Variants in DSCAM observed in about 807,000 individuals in gnomAD.
DSCAM encodes the protein DS cell adhesion molecule.
A neutral mutation model predicts 217.7 loss-of-function variants in DSCAM; 47 were observed. The ratio of observed to expected loss-of-function variants is 0.22; its 90% confidence interval spans 0.17 to 0.28. The LOEUF (loss-of-function observed/expected upper bound fraction) is 0.28. DSCAM is among the 10% of genes least tolerant of loss of function. The pLI is 1.00. For synonymous variants in DSCAM, 1,056 were observed against 1,015.3 expected, an observed-to-expected ratio of 1.04 and a Z score of -0.76; for missense variants, 2,080 against 2,618.3, an observed-to-expected ratio of 0.79 and a Z score of 4.49.
intron 26 of DSCAM, among the ~76,000 whole-genome samples, chr21:40,075,810 G>A (rs576950998): frequency 6.6e-6 from 1 of 152,148 alleles, no homozygotes; most frequent in Admixed American, 6.5e-5. Flanking sequence ...GTTTCTAAAG[G>A]AGCCTACTTT....
chr21:40,780,447 A>ATATATATATATATC (rs1308722522), intron 1 of DSCAM, among the ~76,000 whole-genome samples: 8 of 141,504 alleles, frequency 5.7e-5, no homozygotes, highest in East Asian at 4.3e-4. Flanking sequence ...ATATATATAT[A>ATATATATATATATC]TCTCCTGTTA....
At position 40,352,695 on chromosome 21, in the gene DSCAM, G is replaced by A. The variant is rs1294243442; in HGVS notation, c.934+770C>T. Among the ~76,000 whole-genome samples, 3 of 152,114 alleles carry A rather than the reference G, an allele frequency of 2.0e-5. No individual in the cohort carries two copies. In the East Asian group the frequency reaches 5.8e-4, roughly 29 times the overall value. ...TTTTCAAAAAAGGAGCATTATATTGGCAACTAAGACCTCCTCTCTGACCAA... is the reference window on the plus strand; with the variant it reads ...TTTTCAAAAAAGGAGCATTATATTGACAACTAAGACCTCCTCTCTGACCAA... On this transcript the variant is annotated intron_variant, in intron 5 of 32. Coordinates refer to ENST00000400454, the MANE Select transcript of DSCAM (RefSeq NM_001389.5).
chr21:40,734,730 C>T (rs1240169525), intron 1 of DSCAM, among the ~76,000 whole-genome samples: 1 of 152,198 alleles, frequency 6.6e-6, no homozygotes. Flanking sequence ...ACTTGATTTC[C>T]ACACCCTTCT....
At chr21:40,088,030 A>G (rs2089554667) in intron 21 of DSCAM, among the ~76,000 whole-genome samples, 1 of 152,234 alleles carries the variant, frequency 6.6e-6, no homozygotes, top group Non-Finnish European at 1.5e-5. Context: ...TGACAGGGAC[A>G]CCACACACAA....
At chr21:40,390,935 C>A (rs908431889) in intron 3 of DSCAM, among the ~76,000 whole-genome samples, 3 of 152,182 alleles carry the variant, frequency 2.0e-5, no homozygotes, top group African/African-American at 7.2e-5. Context: ...CATCTCAAAG[C>A]AGCTCATTCC....
intron 3 of DSCAM, among the ~76,000 whole-genome samples, chr21:40,486,247 G>A (rs2076027297): frequency 6.6e-6 from 1 of 152,156 alleles, no homozygotes; most frequent in African/African-American, 2.4e-5. Context: ...ACCCGGCATG[G>A]TTTATCCTGG....
In DSCAM at chr21:40,078,616, G is replaced by A. The variant is rs532823834; in HGVS notation, c.4711+71C>T. 66 of 1,551,576 alleles carry A rather than the reference G, an allele frequency of 4.3e-5. 1 individual carries two copies. The African/African-American group carries it at 7.6e-4, about 18-fold the overall frequency. ...ACTATGGCAAAGATGATGTTCGATG[G>A]GAAAGGGGCAGGGCCCACGTGCACA... is the stretch of plus-strand genomic sequence containing the variant. On this transcript the variant is annotated intron_variant, in intron 26 of 32. Coordinates refer to ENST00000400454, the MANE Select transcript of DSCAM (RefSeq NM_001389.5).
chr21:40,644,490 G>A (rs985271576), intron 3 of DSCAM, among the ~76,000 whole-genome samples: 4 of 152,152 alleles, frequency 2.6e-5, no homozygotes, highest in African/African-American at 9.7e-5. Flanking sequence ...CTCCTGTGAT[G>A]GCAAAACAGT....
In DSCAM at chr21:40,085,382, G is replaced by A. The variant is rs2089518378; in HGVS notation, c.4132+220C>T. Among the ~76,000 whole-genome samples, 3 of 152,230 alleles carry A rather than the reference G, an allele frequency of 2.0e-5. No homozygotes were observed. The South Asian group carries it at 6.2e-4, about 32-fold the overall frequency. ...GACTAGGCTTTCTGTATGCAAAGAT[G>A]TTTTGTATCTCAGTATTTCTGAGGT... On this transcript the variant is annotated intron_variant, in intron 23 of 32. Coordinates refer to ENST00000400454, the MANE Select transcript of DSCAM (RefSeq NM_001389.5).
At chr21:40,582,677 G>C (rs1237791072) in intron 3 of DSCAM, among the ~76,000 whole-genome samples, 1 of 152,078 alleles carries the variant, frequency 6.6e-6, no homozygotes, top group Admixed American at 6.5e-5. Context: ...ATAAAGATAA[G>C]ACCTGGAGAA....
chr21:40,073,477 G>A (rs1399444421), intron 27 of DSCAM, among the ~76,000 whole-genome samples: 2 of 152,186 alleles, frequency 1.3e-5, no homozygotes, highest in African/African-American at 4.8e-5. Flanking sequence ...GTGAACAAGG[G>A]TTATGAAAAC....
intron 5 of DSCAM, 118 bp from the exon 6 acceptor site, chr21:40,348,063 C>T: frequency 2.0e-6 from 2 of 992,324 alleles, no homozygotes; most frequent in South Asian, 1.7e-5. Context: ...CCACACAGTT[C>T]CCATCAGCCA....
At chr21:40,775,860 G>A (rs987890543) in intron 1 of DSCAM, among the ~76,000 whole-genome samples, 5 of 152,162 alleles carry the variant, frequency 3.3e-5, no homozygotes, top group Non-Finnish European at 5.9e-5. Flanking sequence ...TTGCAAATGC[G>A]GTGGCGAACC....
rs1370832396 is a variant in DSCAM, at chr21:40,846,850, G to GCT, written c.-191_-190dup. ...GGCCGGGCTCCGGAGCGAGGGCTGC[G>GCT]CTCGCCGCGCGCTGCGCTCCTGCAC... On this transcript the variant is annotated 5_prime_UTR_variant, in exon 1 of 33. Coordinates refer to ENST00000400454, the MANE Select transcript of DSCAM (RefSeq NM_001389.5). 7 of 150,574 alleles carry GCT rather than the reference G, an allele frequency of 4.6e-5. No homozygotes were observed. In the Admixed American group the frequency reaches 4.7e-4, roughly 10 times the overall value. 9.3% of individuals were successfully genotyped at this position (150,574 alleles called of 1,614,324 possible). A position where few individuals can be genotyped will look rare whatever the true frequency, so the allele number is the denominator to read the frequency against.
At chr21:40,529,127 A>G (rs2076423654) in intron 3 of DSCAM, among the ~76,000 whole-genome samples, 1 of 151,816 alleles carries the variant, frequency 6.6e-6, no homozygotes, top group East Asian at 1.9e-4. Context: ...GATGGTCTCG[A>G]TCTCCTGACC....
At position 40,059,983 on chromosome 21, in the gene DSCAM, G is replaced by T. The variant is rs1329172490; in HGVS notation, c.4919+2886C>A. Among the ~76,000 whole-genome samples the T allele has an allele frequency of 3.9e-5, 6 of 152,202 alleles. No homozygotes were observed. In the East Asian group the frequency reaches 7.7e-4, roughly 20 times the overall value. On this transcript the variant is annotated intron_variant, in intron 28 of 32. Transcript: ENST00000400454. ...CAGTTAGGTAATGAGGTTTTTGTTT[G>T]CTTGGCCCATTCACCTGCCGAACTT...
chr21:40,259,279 T>C (rs112256179), intron 11 of DSCAM, among the ~76,000 whole-genome samples: 3 of 141,884 alleles, frequency 2.1e-5, no homozygotes, highest in African/African-American at 2.7e-5. Flanking sequence ...ATGAACTCTT[T>C]TTTTTTTTTT....
At chr21:40,569,460 G>C (rs892509944) in intron 3 of DSCAM, among the ~76,000 whole-genome samples, 1 of 152,208 alleles carries the variant, frequency 6.6e-6, no homozygotes, top group African/African-American at 2.4e-5. Context: ...GAGGAAAACT[G>C]AAGCTTCCCT....
chr21:40,258,475 T>C (rs1458865802), intron 11 of DSCAM, among the ~76,000 whole-genome samples: 3 of 152,224 alleles, frequency 2.0e-5, no homozygotes, highest in Non-Finnish European at 4.4e-5. Context: ...TATTTATCTG[T>C]GTAAAAAGTA....
Sources: gnomAD v4.1 joint callset for allele counts (sites outside exome capture counted in the v4.1 genomes callset) on GRCh38, gnomAD v4.1.1 for gene constraint, MANE v1.5 for transcripts, NCBI Gene and HGNC (gene_info 2026-07-23, HGNC 2026-07-21) for gene names.